The following ATM variants were observed in gnomAD, a reference collection of about 807,000 sequenced individuals.
ATM encodes ATM serine/threonine kinase.
ATM carries 308 observed loss-of-function variants against 387.0 expected under a neutral mutation model. The observed-to-expected ratio is 0.80, with a 90% CI of 0.73 to 0.87. ATM has a LOEUF of 0.87. Among genes scored for constraint, ATM ranks in the 40% least tolerant of loss-of-function variants. The pLI is 0.00. For missense variants in ATM, 3,312 were observed against 3,560.9 expected, an observed-to-expected ratio of 0.93 and a Z score of 1.78; for synonymous variants, 1,156 against 1,187.3, an observed-to-expected ratio of 0.97 and a Z score of 0.54.
chr11:108,237,031 A>G (rs2079313892), intron 5 of ATM, among the ~76,000 whole-genome samples: 1 of 152,102 alleles, frequency 6.6e-6, no homozygotes, highest in South Asian at 2.1e-4. Flanking sequence ...ATTAAAAGAC[A>G]TTTGTCCATA....
At chr11:108,356,245 GAA>G (rs1279896206) in intron 61 of ATM, 1 of 152,078 alleles carries the variant, frequency 6.6e-6, no homozygotes, top group African/African-American at 2.4e-5. Flanking sequence ...TTTCATGTAA[GAA>G]AAAGAGGGCT....
intron 5 of ATM, among the ~76,000 whole-genome samples, chr11:108,240,768 G>A (rs926980066): frequency 1.3e-5 from 2 of 152,088 alleles, no homozygotes; most frequent in African/African-American, 4.8e-5. Context: ...TAATGTAAAG[G>A]CCTGGGATAC....
intron 22 of ATM, among the ~76,000 whole-genome samples, chr11:108,276,085 C>G (rs981169802): frequency 6.6e-6 from 1 of 152,112 alleles, no homozygotes; most frequent in African/African-American, 2.4e-5. Context: ...CTAATCTTGT[C>G]TTCATGCTTT....
chr11:108,279,539 T>G lies in ATM; in HGVS notation c.3333T>G (p.Leu1111=), dbSNP rs750932338. 5 of 1,613,816 alleles carry G rather than the reference T, an allele frequency of 3.1e-6. No individual in the cohort carries two copies. The East Asian group carries it at 1.1e-4, about 36-fold the overall frequency. The change falls in exon 23 of 63, where the codon CTT becomes CTG. Residue 1111 remains leucine, a synonymous_variant. Coordinates refer to ENST00000675843, the MANE Select transcript of ATM (RefSeq NM_000051.4). ...KGDSSRLLKA[L]PLKLQQTAFE... ...ATTCTTCCAGGTTACTGAAAGCACT[T>G]CCTTTGAAGCTTCAGCAAACAGCTT... is the stretch of plus-strand genomic sequence containing the variant.
chr11:108,321,355 C>G lies in ATM; in HGVS notation c.6507C>G (p.Leu2169=), dbSNP rs863224295. ...GCAGCCTTGAGTCTGTGTATTCGCTCTATCCCACACTTAGCAGGTTGCAGG... is the reference window on the plus strand; with the variant it reads ...GCAGCCTTGAGTCTGTGTATTCGCTGTATCCCACACTTAGCAGGTTGCAGG... ...CKRSLESVYS[L]YPTLSRLQAI... Residue 2169 remains leucine (L), a synonymous_variant, in exon 45 of 63, where the codon CTC becomes CTG. Coordinates refer to ENST00000675843, the MANE Select transcript of ATM (RefSeq NM_000051.4). 16 of 1,614,066 alleles carry G rather than the reference C, an allele frequency of 9.9e-6. No individual in the cohort carries two copies. Among genetic ancestry groups the G allele is most frequent in the African/African-American group, 1.3e-5 (1 of 74,932 alleles).
chr11:108,317,727 A>T (rs899123061), intron 43 of ATM, among the ~76,000 whole-genome samples: 14 of 147,668 alleles, frequency 9.5e-5, no homozygotes, highest in South Asian at 2.1e-4. Context: ...TATATATATA[A>T]AAAAATATAT....
chr11:108,240,355 T>G (rs940454180), intron 5 of ATM, among the ~76,000 whole-genome samples: 4 of 152,166 alleles, frequency 2.6e-5, no homozygotes, highest in African/African-American at 7.2e-5. Context: ...CCATGGATCT[T>G]TTTGCTATCT....
In ATM at chr11:108,268,464, T is replaced by C. The variant is rs770610463; in HGVS notation, c.2693T>C (p.Leu898Ser). The C allele has an allele frequency of 3.1e-6, 5 of 1,614,088 alleles. No individual in the cohort carries two copies. In the South Asian group the frequency reaches 4.4e-5, roughly 14 times the overall value. Reference protein sequence around the residue: ...EYLSKQDLLFLDMLKFLCLCV... With the variant: ...EYLSKQDLLFSDMLKFLCLCV... ...CTGTCAAAGCAAGATCTACTTTTCT[T>C]AGACATGCTCAAGTTCTTGTGTTTG... The change falls in exon 18 of 63, where the codon TTA becomes TCA. Residue 898 changes from leucine to serine, a missense_variant. Leu to Ser is a moderately radical substitution (Grantham distance 145, BLOSUM62 -2). Around this residue, in one of 4 missense-constraint regions of ATM, gnomAD observed 1,791 missense variants for 1,804.5 expected, o/e 0.99. Coordinates refer to ENST00000675843, the MANE Select transcript of ATM (RefSeq NM_000051.4).
chr11:108,284,332 A>G lies in ATM; in HGVS notation c.3852A>G (p.Thr1284=). Residue 1284 remains threonine (T), a synonymous_variant, in exon 26 of 63, where the codon ACA becomes ACG. Coordinates refer to ENST00000675843, the MANE Select transcript of ATM (RefSeq NM_000051.4). ...QIQEDWKSLL[T]DCFPKILVNI... is the part of the protein sequence containing the mutation. The stretch of plus-strand genomic sequence containing the variant: ...AAGAGGACTGGAAAAGTCTTCTAAC[A>G]GACTGCTTTCCAAAGATTCTTGTAA... 6.2e-7 allele frequency: 1 copy of G among 1,614,102 alleles called. No homozygotes were observed. The highest frequency in any genetic ancestry group is 8.5e-7 in the Non-Finnish European group (1 of 1,179,968).
intron 17 of ATM, 147 bp from the exon 18 acceptor site, chr11:108,268,261 CTT>C (rs942811401): frequency 1.8e-5 from 11 of 613,344 alleles, no homozygotes; most frequent in African/African-American, 1.1e-4. Flanking sequence ...TTCAAAAAGA[CTT>C]TTGAAGCTTT....
In ATM at chr11:108,279,625, T is replaced by A. The variant is rs3092825; in HGVS notation, c.3402+17T>A. 1.3e-6 allele frequency: 2 copies of A among 1,554,192 alleles called. No individual in the cohort carries two copies. Among genetic ancestry groups the A allele is most frequent in the Non-Finnish European group, 8.9e-7 (1 of 1,126,162 alleles). On this transcript the variant is annotated intron_variant, in intron 23 of 62. Coordinates refer to ENST00000675843, the MANE Select transcript of ATM (RefSeq NM_000051.4). ...AGAGAAATGGTAATTTTAAGTAACATGTATTTGCTGTTATCATATGCTTGC... is the reference window on the plus strand; with the variant it reads ...AGAGAAATGGTAATTTTAAGTAACAAGTATTTGCTGTTATCATATGCTTGC...
intron 47 of ATM, among the ~76,000 whole-genome samples, chr11:108,326,866 C>T (rs759213311): frequency 1.3e-5 from 2 of 152,144 alleles, no homozygotes; most frequent in Admixed American, 6.5e-5. Flanking sequence ...TGCTCTGTCA[C>T]CCAGGCTGGA....
In ATM at chr11:108,326,232, T is replaced by A. The variant is rs754834282; in HGVS notation, c.6975+7T>A. ...GGATGCCAGCTGTGCAGCGGTTTGT[T>A]TTTTTTATTGGCTGGATTAGTGTTT... is the stretch of plus-strand genomic sequence containing the variant. On this transcript the variant is annotated splice_region_variant and intron_variant, in intron 47 of 62. Transcript: ENST00000675843. 2.0e-5 allele frequency: 33 copies of A among 1,614,006 alleles called. No individual in the cohort carries two copies. The highest frequency in any genetic ancestry group is 2.8e-5 in the Non-Finnish European group (33 of 1,180,010).
chr11:108,282,693 C>T lies in ATM; in HGVS notation c.3577-17C>T. ...TTTTTCATTTTTCTTAACACATTGA[C>T]TTTTTGGTTCGTGCAGGTTTTAGAG... On this transcript the variant is annotated splice_polypyrimidine_tract_variant and intron_variant, in intron 24 of 62. Coordinates refer to ENST00000675843, the MANE Select transcript of ATM (RefSeq NM_000051.4). 9 of 1,610,982 alleles carry T rather than the reference C, an allele frequency of 5.6e-6. No individual in the cohort carries two copies. Among genetic ancestry groups the T allele is most frequent in the Non-Finnish European group, 7.6e-6 (9 of 1,178,378 alleles).
intron 61 of ATM, chr11:108,356,147 G>A (rs759565044): frequency 2.0e-5 from 3 of 152,178 alleles, no homozygotes; most frequent in Non-Finnish European, 4.4e-5. Context: ...TAAGCATGAT[G>A]TGTAACATTT....
chr11:108,363,166 G>A (rs1012127137), intron 61 of ATM, among the ~76,000 whole-genome samples: 1 of 152,044 alleles, frequency 6.6e-6, no homozygotes, highest in African/African-American at 2.4e-5. Context: ...CTTTAGGAGG[G>A]TGCTTCTCAA....
chr11:108,229,264 A>C lies in ATM; in HGVS notation c.272A>C (p.Gln91Pro). The change falls in exon 4 of 63, where the codon CAG becomes CCG. Residue 91 changes from glutamine (Q) to proline (P), a missense_variant. Gln to Pro is a moderately conservative substitution (Grantham distance 76). This residue lies in a region of ATM where 1,791 missense variants were observed against 1,804.5 expected (regional missense o/e 0.99). Transcript: ENST00000675843. ...NVSASTQASR[Q>P]KKMQEISSLV... ...TCAGCCTCAACACAAGCCTCCAGGC[A>C]GAAAAAGATGCAGGAAATCAGTAGT... is the stretch of plus-strand genomic sequence containing the variant. 2 of 1,613,904 alleles carry C rather than the reference A, an allele frequency of 1.2e-6. No individual in the cohort carries two copies. The highest frequency in any genetic ancestry group is 1.7e-6 in the Non-Finnish European group (2 of 1,179,850).
intron 22 of ATM, among the ~76,000 whole-genome samples, chr11:108,274,632 T>TAGTC (rs1258359252): frequency 1.3e-5 from 2 of 152,236 alleles, no homozygotes; most frequent in African/African-American, 4.8e-5. Context: ...ATTTACCTAG[T>TAGTC]AGTCATTCAG....
rs1179172483 is a variant in ATM at position 108,325,531 on chromosome 11, T to G, written c.6794T>G (p.Phe2265Cys). The change falls in exon 46 of 63, where the codon TTC (phenylalanine) becomes TGC (cysteine). Residue 2265 changes from phenylalanine (F) to cysteine (C), a missense_variant. Coordinates refer to ENST00000675843, the MANE Select transcript of ATM (RefSeq NM_000051.4). ...GAACTCTCTATACTGGCCAGAACTT[T>G]CAAGAACACTCAGGTAAATACAATT... ...LVELSILART[F>C]KNTQLPERAI... The G allele has an allele frequency of 6.2e-7, 1 of 1,601,898 alleles. No individual in the cohort carries two copies. Among genetic ancestry groups the G allele is most frequent in the Admixed American group, 1.7e-5 (1 of 59,998 alleles).
Sources: gnomAD v4.1 joint callset for allele counts (sites outside exome capture counted in the v4.1 genomes callset) on GRCh38, gnomAD v4.1.1 for gene constraint, gnomAD v4.1.1 regional missense constraint, MANE v1.5 for transcripts, NCBI Gene and HGNC (gene_info 2026-07-23, HGNC 2026-07-21) for gene names.